The following TEP1 variants were observed in gnomAD, a reference collection of about 807,000 sequenced individuals.
The protein encoded by TEP1 is telomerase associated protein 1.
TEP1 carries 241 observed loss-of-function variants against 306.3 expected under a neutral mutation model. That is an observed-to-expected ratio of 0.79 (90% CI 0.71 to 0.88). The LOEUF is 0.88. Among genes scored for constraint, TEP1 ranks in the 40% least tolerant of loss-of-function variants. The probability of loss-of-function intolerance (pLI) is 0.00; values close to 1 mark genes in which losing one functional copy is unlikely to be tolerated. For synonymous variants in TEP1, 1,289 were observed against 1,305.5 expected (o/e 0.99, Z 0.27); for missense variants, 3,051 against 3,276.1 (o/e 0.93, Z 1.68).
chr14:20,394,444 C>A (rs1279185586), intron 12 of TEP1, among the ~76,000 whole-genome samples: 3 of 144,888 alleles, frequency 2.1e-5, no homozygotes, highest in East Asian at 2.1e-4. Flanking sequence ...TTGGTCAGTA[C>A]ACAAATACCA....
intron 1 of TEP1, among the ~76,000 whole-genome samples, chr14:20,409,876 G>C (rs1879499900): frequency 6.6e-6 from 1 of 151,754 alleles, no homozygotes; most frequent in Non-Finnish European, 1.5e-5. Flanking sequence ...CAAAAAATTA[G>C]CCAGGCAGGG....
Position 20,384,023 on chromosome 14 carries a change from CCT to C in TEP1, c.3534+13_3534+14del. On this transcript the variant is annotated intron_variant, in intron 24 of 54. Transcript: ENST00000262715. ...GCCTTCCCTCCCTCCTGCCCAGGCC[CCT>C]GAGACTCTGTACCAGGAAGGCTGTC... 1 of 1,593,876 alleles carries C rather than the reference CCT, an allele frequency of 6.3e-7. No homozygotes were observed. Among genetic ancestry groups the C allele is most frequent in the Admixed American group, 1.7e-5 (1 of 58,738 alleles).
intron 7 of TEP1, among the ~76,000 whole-genome samples, chr14:20,403,159 C>CAA (rs61465318): frequency 5.9e-4 from 49 of 82,978 alleles, no homozygotes; most frequent in Admixed American, 1.1e-3. Flanking sequence ...AACTTCATCT[C>CAA]AAAAAAAAAA....
At position 20,368,863 on chromosome 14, in the gene TEP1, C is replaced by T. The variant is rs771457052; in HGVS notation, c.7696G>A (p.Glu2566Lys). 6.2e-7 allele frequency: 1 copy of T among 1,614,074 alleles called. No individual in the cohort carries two copies. Among genetic ancestry groups the T allele is most frequent in the Admixed American group, 1.7e-5 (1 of 60,004 alleles). Residue 2566 changes from glutamate (E) to lysine (K), a missense_variant, in exon 54 of 55, where the codon GAG (glutamate) becomes AAG (lysine). By Grantham distance (56) the Glu-to-Lys change is moderately conservative. Around this residue, in one of 3 missense-constraint regions of TEP1, gnomAD observed 1,540 missense variants for 1,705.9 expected, o/e 0.90. Coordinates refer to ENST00000262715, the MANE Select transcript of TEP1 (RefSeq NM_007110.5). ...GSVTALHVLP[E>K]LLVTASKDRD... ...TCCTTCGAAGCTGTCACCAGCAACTCAGGTAGCACATGGAGGGCTGTGACA... is the reference window on the plus strand; with the variant it reads ...TCCTTCGAAGCTGTCACCAGCAACTTAGGTAGCACATGGAGGGCTGTGACA...
intron 41 of TEP1, 90 bp from the exon 42 acceptor site, chr14:20,376,354 C>T (rs1362626023): frequency 6.7e-6 from 9 of 1,347,276 alleles, no homozygotes; most frequent in Non-Finnish European, 9.1e-6. Context: ...GCCATGGGGG[C>T]TGAGGGTGAC....
At chr14:20,391,119 A>ATG (rs1877682059) in intron 13 of TEP1, 23 bp from the exon 14 acceptor site, 1 of 1,611,506 alleles carries the variant, frequency 6.2e-7, no homozygotes, top group East Asian at 2.2e-5. Context: ...GTGTCAGGGG[A>ATG]AATAAAGCTC....
At chr14:20,401,317 G>A in intron 8 of TEP1, 140 bp downstream of exon 8, 4 of 1,384,768 alleles carry the variant, frequency 2.9e-6, no homozygotes, top group Non-Finnish European at 3.9e-6. Flanking sequence ...GGCAGCAATT[G>A]GAAAGGCAGT....
At chr14:20,410,435 T>G (rs1316607889) in intron 1 of TEP1, among the ~76,000 whole-genome samples, 1 of 152,070 alleles carries the variant, frequency 6.6e-6, no homozygotes, top group East Asian at 1.9e-4. Context: ...AGACTCCTTT[T>G]TTTTTGAGAC....
At chr14:20,397,951 C>T (rs985718720) in intron 9 of TEP1, among the ~76,000 whole-genome samples, 1 of 151,906 alleles carries the variant, frequency 6.6e-6, no homozygotes, top group African/African-American at 2.4e-5. Flanking sequence ...CGGGGTTTCA[C>T]CATGTTGGCC....
In TEP1 at chr14:20,386,098, G is replaced by A. The variant is rs1228908023; in HGVS notation, c.2959C>T (p.Pro987Ser). 2.5e-6 allele frequency: 4 copies of A among 1,612,092 alleles called. No individual in the cohort carries two copies. Among genetic ancestry groups the A allele is most frequent in the Non-Finnish European group, 2.5e-6 (3 of 1,179,248 alleles). The change falls in exon 20 of 55, where the codon CCT becomes TCT. Residue 987 changes from proline to serine, a missense_variant. By Grantham distance (74) the Pro-to-Ser change is moderately conservative (BLOSUM62 -1). Transcript: ENST00000262715. ...YGYIPPSYNL[P>S]DHPHFHWAQQ... The stretch of plus-strand genomic sequence containing the variant: ...ACCCAGTGGAAGTGTGGATGGTCAG[G>A]AAGGTTGTAGCTGGGGGGAATGTAT...
chr14:20,373,496 C>T lies in TEP1; in HGVS notation c.6681+11G>A, dbSNP rs772450686. ...CCACCTCCCTTGACTCTGGTCCTTG[C>T]AGGAACTCACCAAGAGTGGATGCCA... On this transcript the variant is annotated intron_variant, in intron 46 of 54. Coordinates refer to ENST00000262715, the MANE Select transcript of TEP1 (RefSeq NM_007110.5). 6.2e-7 allele frequency: 1 copy of T among 1,614,194 alleles called. No individual in the cohort carries two copies.
chr14:20,381,505 G>A lies in TEP1; in HGVS notation c.4558+48C>T, dbSNP rs1199135348. The stretch of plus-strand genomic sequence containing the variant: ...GCACAGTGGGTGGTCCTGGCCTCCA[G>A]GCCCAAGCCCCACACTCAGTGCCCA... On this transcript the variant is annotated intron_variant, in intron 31 of 54. Transcript: ENST00000262715. The surrounding 1 kb of genome is among the most constrained non-coding windows in gnomAD (Gnocchi z 4.0). The A allele has an allele frequency of 1.9e-6, 3 of 1,612,846 alleles. No individual in the cohort carries two copies. The highest frequency in any genetic ancestry group is 2.2e-5 in the East Asian group (1 of 44,870).
intron 44 of TEP1, 95 bp from the exon 45 acceptor site, chr14:20,373,905 T>G (rs1054644785): frequency 1.3e-6 from 2 of 1,501,816 alleles, no homozygotes; most frequent in African/African-American, 2.8e-5. Flanking sequence ...ATTAGGAGCA[T>G]GGAAGATGTC....
At position 20,374,454 on chromosome 14, in the gene TEP1, C is replaced by T. The variant is rs35165628; in HGVS notation, c.6446G>A (p.Ser2149Asn). 2,941 of 1,613,352 alleles carry T rather than the reference C, an allele frequency of 1.8e-3. 54 individuals carry two copies. The African/African-American group carries it at 0.034, about 19-fold the overall frequency. Reference protein sequence around the residue: ...QRLGQFLGHQSAVSAVAAVEE... With the variant: ...QRLGQFLGHQNAVSAVAAVEE... ...CACAGCTGCCACAGCGCTCACAGCA[C>T]TCTGATGACCCAGGAACTGACCAAG... Residue 2149 changes from serine to asparagine, a missense_variant, in exon 44 of 55, where the codon AGT becomes AAT. By Grantham distance (46) the Ser-to-Asn change is conservative (BLOSUM62 1). Coordinates refer to ENST00000262715, the MANE Select transcript of TEP1 (RefSeq NM_007110.5).
Position 20,367,357 on chromosome 14 carries a change from T to C in TEP1, c.*1080A>G, listed in dbSNP as rs1884527752. 1 of 138,604 alleles carries C rather than the reference T, an allele frequency of 7.2e-6. No homozygotes were observed. 8.6% of individuals were successfully genotyped at this position (138,604 alleles called of 1,614,324 possible). ...CAGCCTAGGTGACAGAGCCAGACTC[T>C]ATCTCAAAAACAAAAAAAAAAAAAA... On this transcript the variant is annotated 3_prime_UTR_variant, in exon 55 of 55. Transcript: ENST00000262715.
chr14:20,377,135 A>G (rs918381732), intron 41 of TEP1, 145 bp downstream of exon 41: 6 of 646,596 alleles, frequency 9.3e-6, no homozygotes, highest in Non-Finnish European at 1.5e-5. Context: ...GAATTGCTTG[A>G]ACCCAGGAGG....
In TEP1 at chr14:20,373,582, A is replaced by C; in HGVS notation, c.6606T>G (p.Ala2202=). ...CCAGAAGCTCTGACCCAGGCTGTCC[A>C]GCTGATAAGACACAGAGACTGAGTC... ...HCAAAMEPRA[A]GQPGSELLVV... is the part of the protein sequence containing the mutation. Residue 2202 remains alanine (A), a splice_region_variant and synonymous_variant, in exon 46 of 55, where the codon GCT becomes GCG. Coordinates refer to ENST00000262715, the MANE Select transcript of TEP1 (RefSeq NM_007110.5). 6.2e-7 allele frequency: 1 copy of C among 1,614,222 alleles called. No homozygotes were observed. Among genetic ancestry groups the C allele is most frequent in the Non-Finnish European group, 8.5e-7 (1 of 1,180,028 alleles).
intron 54 of TEP1, 34 bp downstream of exon 54, chr14:20,368,764 G>GCACACACACACA (rs112024184): frequency 0.022 from 28,941 of 1,338,844 alleles, 178 homozygotes; most frequent in East Asian, 0.068. Context: ...GCAGGCGCAC[G>GCACACACACACA]CACACACACA....
chr14:20,368,976 G>T, intron 53 of TEP1, 74 bp from the exon 54 acceptor site: 3 of 1,041,286 alleles, frequency 2.9e-6, no homozygotes, highest in African/African-American at 1.6e-5. Flanking sequence ...ACAATGTGCT[G>T]TGTCAGACCT....
Sources: gnomAD v4.1 joint callset for allele counts (sites outside exome capture counted in the v4.1 genomes callset) on GRCh38, gnomAD v4.1.1 for gene constraint, gnomAD v4.1.1 regional missense constraint, Gnocchi (gnomAD v3.1) non-coding constraint, MANE v1.5 for transcripts, NCBI Gene and HGNC (gene_info 2026-07-23, HGNC 2026-07-21) for gene names.